Variants in MSI2 observed in about 807,000 individuals in gnomAD.
MSI2 encodes RNA-binding protein Musashi homolog 2.
MSI2 carries 17 observed loss-of-function variants against 45.6 expected under a neutral mutation model. The ratio of observed to expected loss-of-function variants is 0.37; its 90% CI spans 0.26 to 0.56. The LOEUF (loss-of-function observed/expected upper bound fraction) is 0.56. Ranked by LOEUF, MSI2 falls within the 20% of genes least tolerant of loss-of-function variation. The pLI is 0.77. For synonymous variants in MSI2, 156 were observed against 158.2 expected (o/e 0.99, Z 0.11); for missense variants, 293 against 444.2 (o/e 0.66, Z 3.06).
chr17:57,330,289 CTTT>C (rs1023452042), intron 5 of MSI2, among the ~76,000 whole-genome samples: 2 of 142,670 alleles, frequency 1.4e-5, no homozygotes, highest in African/African-American at 2.6e-5. Context: ...TCTTTTTTTT[CTTT>C]TTTTTTTTTT....
intron 5 of MSI2, among the ~76,000 whole-genome samples, chr17:57,397,413 C>A (rs773111361): frequency 6.6e-6 from 1 of 152,180 alleles, no homozygotes; most frequent in African/African-American, 2.4e-5. Flanking sequence ...AAACACACAC[C>A]CATGCATGTG....
chr17:57,497,377 TAA>T (rs1304486545), intron 6 of MSI2, among the ~76,000 whole-genome samples: 9 of 152,176 alleles, frequency 5.9e-5, no homozygotes, highest in Non-Finnish European at 1.3e-4. Context: ...ACCCCACGTA[TAA>T]AGCGAGGAAA....
chr17:57,404,599 G>A (rs1221336175), intron 6 of MSI2, among the ~76,000 whole-genome samples: 1 of 152,066 alleles, frequency 6.6e-6, no homozygotes, highest in African/African-American at 2.4e-5. Context: ...TTCCATGCAA[G>A]GTGTACCACT....
chr17:57,445,959 A>G (rs1224188097), intron 6 of MSI2, among the ~76,000 whole-genome samples: 1 of 152,246 alleles, frequency 6.6e-6, no homozygotes, highest in Non-Finnish European at 1.5e-5. Context: ...TGTCTCTGCC[A>G]GGCACTGTTC....
At position 57,529,565 on chromosome 17, in the gene MSI2, A is replaced by T; in HGVS notation, c.406-111A>T. On this transcript the variant is annotated intron_variant, in intron 6 of 13. Transcript: ENST00000284073. The surrounding 1 kb of genome is among the most constrained non-coding windows in gnomAD (Gnocchi z 5.3). ...ATTTTCAAATATTTTTTGATAAGCA[A>T]CTATTACTTCTGTAATGGAAACTAC... 1 of 922,002 alleles carries T rather than the reference A, an allele frequency of 1.1e-6. No homozygotes were observed. Among genetic ancestry groups the T allele is most frequent in the Non-Finnish European group, 1.7e-6 (1 of 589,286 alleles). The allele number at this position is 922,002 out of a possible 1,614,324, so 57.1% of individuals were successfully genotyped here. A position where few individuals can be genotyped will look rare whatever the true frequency, so the allele number is the denominator to read the frequency against.
intron 1 of MSI2, 33 bp downstream of exon 1, chr17:57,256,837 T>A: frequency 7.0e-7 from 1 of 1,428,030 alleles, no homozygotes; most frequent in Non-Finnish European, 9.2e-7. Context: ...CCGCGCCGCC[T>A]TGGGCTCGCT....
intron 10 of MSI2, among the ~76,000 whole-genome samples, chr17:57,638,349 G>A (rs1166127419): frequency 2.0e-5 from 3 of 152,208 alleles, no homozygotes; most frequent in Admixed American, 6.5e-5. Context: ...GCAGAGAGCT[G>A]GAAATGGTCA....
At chr17:57,504,009 C>T (rs757243555) in intron 6 of MSI2, among the ~76,000 whole-genome samples, 4 of 152,182 alleles carry the variant, frequency 2.6e-5, no homozygotes, top group African/African-American at 4.8e-5. Context: ...GCTGGGATTA[C>T]AGGCCATGAG....
intron 11 of MSI2, among the ~76,000 whole-genome samples, chr17:57,656,491 A>G (rs1911599297): frequency 6.6e-6 from 1 of 152,160 alleles, no homozygotes; most frequent in Non-Finnish European, 1.5e-5. Context: ...ATACGGGTCT[A>G]TGTGGCAGTC....
In MSI2 at chr17:57,644,212, TTG is replaced by T. The variant is rs1333770496; in HGVS notation, c.728-7885_728-7884del. Reference sequence around the variant, plus strand: ...TAAATGCCAAGGACGCCAGGGTAAGTTGTTTTTTTTTTTTTTTTTTTCAAATG... The same window carrying T: ...TAAATGCCAAGGACGCCAGGGTAAGTTTTTTTTTTTTTTTTTTTTCAAATG... On this transcript the variant is annotated intron_variant, in intron 10 of 13. Coordinates refer to ENST00000284073, the MANE Select transcript of MSI2 (RefSeq NM_138962.4). Among the ~76,000 whole-genome samples the T allele has an allele frequency of 1.3e-3, 185 of 145,064 alleles. 1 individual carries two copies. Among genetic ancestry groups the T allele is most frequent in the African/African-American group, 5.1e-3 (183 of 35,696 alleles).
At chr17:57,543,135 T>A (rs1055054706) in intron 7 of MSI2, among the ~76,000 whole-genome samples, 1 of 152,210 alleles carries the variant, frequency 6.6e-6, no homozygotes, top group African/African-American at 2.4e-5. Context: ...GCAGGAGCCC[T>A]GTCTGGAGAG....
chr17:57,582,221 A>G (rs894577815), intron 7 of MSI2, among the ~76,000 whole-genome samples: 28 of 152,314 alleles, frequency 1.8e-4, no homozygotes, highest in African/African-American at 6.5e-4. Flanking sequence ...ACCAGAGTCC[A>G]TGATGTACCA....
downstream of MSI2, among the ~76,000 whole-genome samples, chr17:57,687,061 T>C (rs1913899688): frequency 6.6e-6 from 1 of 151,542 alleles, no homozygotes; most frequent in African/African-American, 2.4e-5. Context: ...ATAAATATTA[T>C]AACTGTGTAC....
intron 7 of MSI2, among the ~76,000 whole-genome samples, chr17:57,582,125 A>G (rs764827538): frequency 2.0e-5 from 3 of 152,114 alleles, no homozygotes; most frequent in Non-Finnish European, 4.4e-5. Flanking sequence ...GGAGGGGTCC[A>G]CACCCGCTGG....
At chr17:57,536,403 G>A (rs892799728) in intron 7 of MSI2, among the ~76,000 whole-genome samples, 2 of 152,216 alleles carry the variant, frequency 1.3e-5, no homozygotes, top group Non-Finnish European at 2.9e-5. Flanking sequence ...ATAAGGATGT[G>A]TAGAATCACA....
At chr17:57,508,832 A>G (rs920677271) in intron 6 of MSI2, among the ~76,000 whole-genome samples, 4 of 152,236 alleles carry the variant, frequency 2.6e-5, no homozygotes, top group Admixed American at 6.5e-5. Flanking sequence ...CTGGCTGGAT[A>G]AAGTGCTGAA....
intron 5 of MSI2, among the ~76,000 whole-genome samples, chr17:57,386,411 C>T (rs541770619): frequency 6.6e-6 from 1 of 152,208 alleles, no homozygotes; most frequent in South Asian, 2.1e-4. Context: ...GTAGGGTGTC[C>T]AGGAACCTAG....
rs1907686011 is a variant in MSI2, at chr17:57,616,268, T to G, written c.652+184T>G. ...GTTGTGATGATTAAGTGTGGGTGTG[T>G]GTGTGTGCATGCATGTGTGTGTGTG... On this transcript the variant is annotated intron_variant, in intron 9 of 13. Transcript: ENST00000284073. 5.3e-6 allele frequency: 3 copies of G among 569,304 alleles called. No individual in the cohort carries two copies. In the South Asian group the frequency reaches 6.6e-5, roughly 12 times the overall value. 35.3% of individuals were successfully genotyped at this position (569,304 alleles called of 1,614,324 possible).
intron 10 of MSI2, chr17:57,633,106 T>G: frequency 9.7e-7 from 1 of 1,030,882 alleles, no homozygotes; most frequent in African/African-American, 1.7e-5. Context: ...ATAGTTCATC[T>G]GTGCTTCTCC....
Sources: gnomAD v4.1 joint callset for allele counts (sites outside exome capture counted in the v4.1 genomes callset) on GRCh38, gnomAD v4.1.1 for gene constraint, Gnocchi (gnomAD v3.1) non-coding constraint, MANE v1.5 for transcripts, NCBI Gene and HGNC (gene_info 2026-07-23, HGNC 2026-07-21) for gene names.